Variants in UGT1A9 observed in about 807,000 individuals in gnomAD.
UGT1A9 encodes UDP-glucuronosyltransferase 1A9.
A neutral mutation model predicts 45.0 loss-of-function variants in UGT1A9; 35 were observed. The observed-to-expected ratio is 0.78, with a 90% CI of 0.59 to 1.03. UGT1A9 has a LOEUF of 1.03. Among genes scored for constraint, UGT1A9 ranks in the 50% least tolerant of loss-of-function variants. The pLI, the probability that UGT1A9 is intolerant of heterozygous loss-of-function variation, is 0.00. For synonymous variants in UGT1A9, 278 were observed against 250.6 expected (o/e 1.11, Z -1.03); for missense variants, 687 against 666.6 (o/e 1.03, Z -0.34).
At chr2:233,768,171 T>C (rs761240010) in intron 3 of UGT1A9, 49 bp from the exon 4 acceptor site, 11 of 1,613,794 alleles carry the variant, frequency 6.8e-6, no homozygotes, top group South Asian at 1.1e-5. Flanking sequence ...TGTCCAGCTG[T>C]GAAACTCAGA....
chr2:233,721,851 C>A, intron 1 of UGT1A9: 1 of 513,702 alleles, frequency 1.9e-6, no homozygotes, highest in South Asian at 1.4e-5. Context: ...TCCAGCCCCA[C>A]TGCTCGGCCC....
rs562389152 is a variant in UGT1A9 at position 233,767,124 on chromosome 2, G to C, written c.946G>C (p.Ala316Pro). The C allele has an allele frequency of 6.2e-7, 1 of 1,614,112 alleles. No individual in the cohort carries two copies. The highest frequency in any genetic ancestry group is 2.2e-5 in the East Asian group (1 of 44,864). Residue 316 changes from alanine (A) to proline (P), a missense_variant, in exon 2 of 5, where the codon GCT (alanine) becomes CCT (proline). Transcript: ENST00000354728. ...GGTCTCAGAAATTCCAGAGAAGAAA[G>C]CTATGGCAATTGCTGATGCTTTGGG... ...SMVSEIPEKK[A>P]MAIADALGKI...
At chr2:233,747,937 A>C in intron 1 of UGT1A9, 1 of 1,613,182 alleles carries the variant, frequency 6.2e-7, no homozygotes, top group Non-Finnish European at 8.5e-7. Flanking sequence ...TTTCAGAGGG[A>C]GGTGTCAGTG....
chr2:233,695,130 C>CTTTCTTTTTTTT (rs1364557158), intron 1 of UGT1A9, among the ~76,000 whole-genome samples: 3 of 138,838 alleles, frequency 2.2e-5, no homozygotes, highest in Admixed American at 7.1e-5. Flanking sequence ...CTTTTCTTTT[C>CTTTCTTTTTTTT]TTTTTTTTTT....
intron 1 of UGT1A9, chr2:233,690,662 C>T: frequency 7.8e-7 from 1 of 1,274,312 alleles, no homozygotes. Context: ...CAGCACCAAC[C>T]AGGGCAGGCC....
chr2:233,686,326 G>A (rs2074783596), intron 1 of UGT1A9, among the ~76,000 whole-genome samples: 1 of 151,896 alleles, frequency 6.6e-6, no homozygotes, highest in Non-Finnish European at 1.5e-5. Flanking sequence ...TTATCAAAAT[G>A]TTTTTATACA....
At chr2:233,724,731 AG>A (rs1324353802) in intron 1 of UGT1A9, among the ~76,000 whole-genome samples, 1 of 143,714 alleles carries the variant, frequency 7.0e-6, no homozygotes, top group Non-Finnish European at 1.5e-5. Context: ...AGCCAGGCAG[AG>A]GGGCTCCTCA....
chr2:233,769,746 T>G lies in UGT1A9; in HGVS notation c.1295+1307T>G. On this transcript the variant is annotated intron_variant, in intron 4 of 4. Coordinates refer to ENST00000354728, the MANE Select transcript of UGT1A9 (RefSeq NM_021027.3). The surrounding 1 kb of genome is among the most constrained non-coding windows in gnomAD (Gnocchi z 4.4). ...GGCACACGCCTGTAGTCCCAGCCAC[T>G]CTGGAGGCTAAGGCGGGAGGATTGC... 6.9e-7 allele frequency: 1 copy of G among 1,441,832 alleles called. No homozygotes were observed. The highest frequency in any genetic ancestry group is 9.1e-7 in the Non-Finnish European group (1 of 1,095,648). The allele number at this position is 1,441,832 out of a possible 1,614,324, so 89.3% of individuals were successfully genotyped here.
chr2:233,751,386 C>G (rs1694713563), intron 1 of UGT1A9, among the ~76,000 whole-genome samples: 1 of 152,086 alleles, frequency 6.6e-6, no homozygotes, highest in African/African-American at 2.4e-5. Flanking sequence ...TGCCTTGTCT[C>G]AGATAAGACT....
rs1362371317 is a variant in UGT1A9 at position 233,772,403 on chromosome 2, C to T, written c.1437C>T (p.Thr479=). The T allele has an allele frequency of 6.2e-7, 1 of 1,614,140 alleles. No individual in the cohort carries two copies. Among genetic ancestry groups the T allele is most frequent in the African/African-American group, 1.3e-5 (1 of 74,952 alleles). The part of the protein sequence containing the change: ...PHLRPAAHDL[T]WYQYHSLDVI... ...TGCGCCCCGCAGCCCACGACCTCAC[C>T]TGGTACCAGTACCATTCCTTGGACG... Residue 479 remains threonine (T), a synonymous_variant, in exon 5 of 5, where the codon ACC becomes ACT. Coordinates refer to ENST00000354728, the MANE Select transcript of UGT1A9 (RefSeq NM_021027.3).
intron 1 of UGT1A9, chr2:233,747,878 C>A: frequency 6.2e-7 from 1 of 1,613,056 alleles, no homozygotes; most frequent in South Asian, 1.1e-5. Context: ...CCCTGTCCTA[C>A]CTTTGCCATG....
chr2:233,734,461 C>T (rs1187494686), intron 1 of UGT1A9, among the ~76,000 whole-genome samples: 1 of 145,226 alleles, frequency 6.9e-6, no homozygotes, highest in African/African-American at 2.7e-5. Flanking sequence ...TTTCAAAATC[C>T]ATCTCCTGGA....
At chr2:233,677,749 C>T (rs1351414878) in intron 1 of UGT1A9, among the ~76,000 whole-genome samples, 1 of 151,888 alleles carries the variant, frequency 6.6e-6, no homozygotes, top group African/African-American at 2.4e-5. Flanking sequence ...TTAGTTCATC[C>T]CCTGTGGGAA....
intron 1 of UGT1A9, chr2:233,755,020 T>G (rs552495015): frequency 7.7e-7 from 1 of 1,304,796 alleles, no homozygotes; most frequent in African/African-American, 1.5e-5. Context: ...AAGGGGTCCT[T>G]GAAGGGCCTG....
chr2:233,737,523 G>A (rs890594707), intron 1 of UGT1A9, among the ~76,000 whole-genome samples: 3 of 152,158 alleles, frequency 2.0e-5, no homozygotes, highest in Non-Finnish European at 4.4e-5. Context: ...TAGGTGAGGC[G>A]ACGCCCTGCC....
intron 1 of UGT1A9, among the ~76,000 whole-genome samples, chr2:233,709,996 T>C (rs1275771651): frequency 1.3e-5 from 2 of 152,236 alleles, no homozygotes; most frequent in Non-Finnish European, 2.9e-5. Context: ...AATGGAATCA[T>C]ACAATTATGA....
chr2:233,750,271 C>T (rs1694411042), intron 1 of UGT1A9, among the ~76,000 whole-genome samples: 1 of 151,886 alleles, frequency 6.6e-6, no homozygotes, highest in South Asian at 2.1e-4. Flanking sequence ...TATGCTTTAG[C>T]AAAGAGACTG....
At chr2:233,707,645 T>C (rs542813873) in intron 1 of UGT1A9, among the ~76,000 whole-genome samples, 94 of 152,138 alleles carry the variant, frequency 6.2e-4, no homozygotes, top group African/African-American at 2.2e-3. Flanking sequence ...ATTGTATGAA[T>C]ACACCACAAT....
intron 1 of UGT1A9, chr2:233,692,086 G>A (rs1010859052): frequency 1.3e-5 from 2 of 152,196 alleles, no homozygotes; most frequent in Admixed American, 6.5e-5. Flanking sequence ...ATTGAAGATT[G>A]ATTTGATCAC....
Sources: gnomAD v4.1 joint callset for allele counts (sites outside exome capture counted in the v4.1 genomes callset) on GRCh38, gnomAD v4.1.1 for gene constraint, Gnocchi (gnomAD v3.1) non-coding constraint, MANE v1.5 for transcripts, NCBI Gene and HGNC (gene_info 2026-07-23, HGNC 2026-07-21) for gene names.